The following CAST variants were observed in gnomAD, a reference collection of about 807,000 sequenced individuals.
CAST encodes the protein MIR583 host.
A neutral mutation model predicts 119.6 loss-of-function variants in CAST; 76 were observed. The observed-to-expected ratio is 0.64, with a 90% CI of 0.53 to 0.77. The LOEUF is 0.77. CAST is among the 30% of genes least tolerant of loss of function. CAST has a pLI of 0.00. For missense variants in CAST, 953 were observed against 946.5 expected (o/e 1.01, Z -0.09); for synonymous variants, 319 against 331.6 (o/e 0.96, Z 0.41).
At chr5:96,748,405 G>A (rs1764231672) in intron 18 of CAST, 113 bp from the exon 19 acceptor site, 1 of 471,324 alleles carries the variant, frequency 2.1e-6, no homozygotes, top group African/African-American at 2.0e-5. Context: ...AGCTTTGGGT[G>A]TTAAGTATGG....
At chr5:96,634,358 T>C (rs1002724741) in intron 1 of CAST, among the ~76,000 whole-genome samples, 1 of 152,248 alleles carries the variant, frequency 6.6e-6, no homozygotes, top group Non-Finnish European at 1.5e-5. Context: ...CAATGCAAGA[T>C]TGTTGTGAAG....
the CAST span, among the ~76,000 whole-genome samples, chr5:96,414,360 C>T: frequency 6.6e-6 from 1 of 152,170 alleles, no homozygotes; most frequent in Non-Finnish European, 1.5e-5. Flanking sequence ...TGCCGTAATT[C>T]TCCTCACTTT....
At chr5:96,174,222 T>G in the CAST span, among the ~76,000 whole-genome samples, 1 of 152,186 alleles carries the variant, frequency 6.6e-6, no homozygotes, top group African/African-American at 2.4e-5. Context: ...CTGCCCAAAC[T>G]TGCCAGTTTC....
At chr5:96,470,087 A>G in the CAST span, among the ~76,000 whole-genome samples, 1 of 151,350 alleles carries the variant, frequency 6.6e-6, no homozygotes, top group African/African-American at 2.4e-5. Context: ...CTTTGGCAGG[A>G]CCCAAGATCC....
At chr5:96,321,732 C>A in the CAST span, among the ~76,000 whole-genome samples, 1 of 152,150 alleles carries the variant, frequency 6.6e-6, no homozygotes, top group Non-Finnish European at 1.5e-5. Context: ...GAATTCTTAG[C>A]TTGTTACTCT....
chr5:96,394,468 C>A, the CAST span, among the ~76,000 whole-genome samples: 2 of 152,120 alleles, frequency 1.3e-5, no homozygotes, highest in Non-Finnish European at 2.9e-5. Flanking sequence ...AATGGATACA[C>A]GAATGTCTAT....
chr5:96,749,926 T>G (rs189065444), intron 19 of CAST, among the ~76,000 whole-genome samples: 1 of 152,052 alleles, frequency 6.6e-6, no homozygotes, highest in East Asian at 1.9e-4. Context: ...TCTGGAGAGT[T>G]TTTTTTTAAA....
the CAST span, among the ~76,000 whole-genome samples, chr5:96,223,925 A>G: frequency 6.6e-6 from 1 of 152,208 alleles, no homozygotes; most frequent in Non-Finnish European, 1.5e-5. Flanking sequence ...ACAAAATATG[A>G]CCATGCACTG....
the CAST span, among the ~76,000 whole-genome samples, chr5:96,036,105 A>T: frequency 6.6e-6 from 1 of 151,806 alleles, no homozygotes; most frequent in Non-Finnish European, 1.5e-5. Flanking sequence ...GAGAAAAAGC[A>T]GGATGTATAA....
intron 29 of CAST, chr5:96,769,599 C>A (rs1235070400): frequency 6.6e-6 from 1 of 152,074 alleles, no homozygotes; most frequent in African/African-American, 2.4e-5. Flanking sequence ...GTGACAAAAG[C>A]AGCTAAAATC....
the CAST span, among the ~76,000 whole-genome samples, chr5:96,128,408 A>G: frequency 4.6e-5 from 7 of 152,012 alleles, no homozygotes; most frequent in African/African-American, 1.7e-4. Flanking sequence ...TAGAGCACTC[A>G]CCTTCAGTGA....
At chr5:96,641,145 A>G (rs1223212280) in intron 1 of CAST, among the ~76,000 whole-genome samples, 2 of 152,234 alleles carry the variant, frequency 1.3e-5, no homozygotes, top group Non-Finnish European at 2.9e-5. Context: ...TTTGTTTCAC[A>G]GAGCAGCCAT....
At chr5:96,517,140 C>T in the CAST span, among the ~76,000 whole-genome samples, 1 of 151,978 alleles carries the variant, frequency 6.6e-6, no homozygotes, top group East Asian at 1.9e-4. Context: ...TTGTTCTACA[C>T]ATCTTTTTTT....
chr5:96,686,168 CCT>C (rs1752057275), intron 2 of CAST, among the ~76,000 whole-genome samples: 1 of 126,600 alleles, frequency 7.9e-6, no homozygotes, highest in South Asian at 2.5e-4. Flanking sequence ...TTTGATTATT[CCT>C]TTTTTTTTTC....
the CAST span, among the ~76,000 whole-genome samples, chr5:96,447,996 G>T: frequency 1.3e-5 from 2 of 151,460 alleles, no homozygotes. Context: ...CATCATTCTG[G>T]ATGGAACTCT....
At chr5:96,703,406 A>T (rs1754287270) in intron 3 of CAST, among the ~76,000 whole-genome samples, 1 of 152,212 alleles carries the variant, frequency 6.6e-6, no homozygotes, top group African/African-American at 2.4e-5. Context: ...CGTACCTGAT[A>T]CATGCTGGGT....
chr5:96,641,682 C>G (rs1343288784), intron 1 of CAST, among the ~76,000 whole-genome samples: 1 of 152,176 alleles, frequency 6.6e-6, no homozygotes, highest in South Asian at 2.1e-4. Context: ...TGGCTCTCCC[C>G]AGTTCCTGCC....
At chr5:96,579,157 A>G (rs73774309) in intron 1 of CAST, among the ~76,000 whole-genome samples, 410 of 152,248 alleles carry the variant, frequency 2.7e-3, no homozygotes, top group African/African-American at 9.5e-3. Context: ...CATGTGTCCC[A>G]GTGGGGAAGG....
Position 96,766,152 on chromosome 5 carries a change from T to G in CAST, c.2130+7T>G. On this transcript the variant is annotated splice_region_variant and intron_variant, in intron 27 of 31. Transcript: ENST00000675179. Reference sequence around the variant, plus strand: ...CCTGGATGATAATGGACAGGTAAACTGAGGCAAATTGCTAGATCGGATTTA... The same window carrying G: ...CCTGGATGATAATGGACAGGTAAACGGAGGCAAATTGCTAGATCGGATTTA... The G allele has an allele frequency of 6.7e-7, 1 of 1,494,442 alleles. No homozygotes were observed. The highest frequency in any genetic ancestry group is 9.3e-7 in the Non-Finnish European group (1 of 1,076,096). The allele number at this position is 1,494,442 out of a possible 1,614,324, so 92.6% of individuals were successfully genotyped here. A position where few individuals can be genotyped will look rare whatever the true frequency, so the allele number is the denominator to read the frequency against.
Sources: gnomAD v4.1 joint callset for allele counts (sites outside exome capture counted in the v4.1 genomes callset) on GRCh38, gnomAD v4.1.1 for gene constraint, MANE v1.5 for transcripts, NCBI Gene and HGNC (gene_info 2026-07-23, HGNC 2026-07-21) for gene names.